PCDHGB4: variants seen among roughly 807,000 people sequenced by gnomAD.
The protein encoded by PCDHGB4 is protocadherin gamma-B4.
Under a neutral mutation model 60.5 loss-of-function variants are expected in PCDHGB4, and 38 were observed. That is an observed-to-expected ratio of 0.63 (90% confidence interval 0.48 to 0.82). PCDHGB4 has a LOEUF of 0.82. PCDHGB4 is among the 40% of genes least tolerant of loss of function. PCDHGB4 has a pLI of 0.00. For synonymous variants in PCDHGB4, 456 were observed against 509.7 expected (o/e 0.89, Z 1.42); for missense variants, 1,109 against 1,209.6 (o/e 0.92, Z 1.23).
In PCDHGB4 at chr5:141,419,975, G is replaced by A. The variant is rs372316838; in HGVS notation, c.2397+29694G>A. ...CTTGATTTCTGTGCTCTTTCTCCTC[G>A]CGGTGATTCTAGCTATTGCTCTACG... On this transcript the variant is annotated intron_variant, in intron 1 of 3. Coordinates refer to ENST00000519479, the MANE Select transcript of PCDHGB4 (RefSeq NM_003736.4). 273 of 1,613,928 alleles carry A rather than the reference G, an allele frequency of 1.7e-4. No homozygotes were observed. The highest frequency in any genetic ancestry group is 2.2e-4 in the Non-Finnish European group (261 of 1,179,916).
At chr5:141,419,529 A>G (rs2096395609) in intron 1 of PCDHGB4, 2 of 1,612,082 alleles carry the variant, frequency 1.2e-6, no homozygotes, top group Non-Finnish European at 1.7e-6. Context: ...GACCGTAACG[A>G]CAACGCACCG....
rs2099419063 is a variant in PCDHGB4 at position 141,477,824 on chromosome 5, C to G, written c.2398-16983C>G. On this transcript the variant is annotated intron_variant, in intron 1 of 3. Coordinates refer to ENST00000519479, the MANE Select transcript of PCDHGB4 (RefSeq NM_003736.4). This position sits in a 1 kb window ranked among gnomAD's most constrained non-coding sequence, Gnocchi z 4.9. ...TGACAATGCCCCCCAGGTCCTATAT[C>G]CTCGGCCAGGTGGGAGCTCGGTGGA... is the stretch of plus-strand genomic sequence containing the variant. 5.6e-6 allele frequency: 9 copies of G among 1,614,196 alleles called. No individual in the cohort carries two copies. The highest frequency in any genetic ancestry group is 5.9e-6 in the Non-Finnish European group (7 of 1,180,034).
chr5:141,447,428 G>C (rs542079336), intron 1 of PCDHGB4, among the ~76,000 whole-genome samples: 1 of 152,184 alleles, frequency 6.6e-6, no homozygotes, highest in African/African-American at 2.4e-5. Flanking sequence ...GTGAGCCACC[G>C]CACCCGGAGG....
At chr5:141,443,442 C>T (rs571341362) in intron 1 of PCDHGB4, among the ~76,000 whole-genome samples, 9 of 152,202 alleles carry the variant, frequency 5.9e-5, no homozygotes, top group East Asian at 1.9e-4. Context: ...GCTGTGGTTG[C>T]GCTCCTGTAC....
rs118080774 is a variant in PCDHGB4, at chr5:141,422,026, G to A, written c.2397+31745G>A. On this transcript the variant is annotated intron_variant, in intron 1 of 3. Coordinates refer to ENST00000519479, the MANE Select transcript of PCDHGB4 (RefSeq NM_003736.4). ...CGGAACTCGGGTGCTGATGGTTAAT[G>A]CAACGGATCCAGACGAGGGAATCAA... 69 of 1,611,394 alleles carry A rather than the reference G, an allele frequency of 4.3e-5. No individual in the cohort carries two copies. The East Asian group carries it at 1.4e-3, about 32-fold the overall frequency.
rs371232283 is a variant in PCDHGB4, at chr5:141,390,337, C to T, written c.2397+56C>T. ...CATTGCCTACCCATTTCTCCATATT[C>T]ACAAGAAAATATACATATTTGCAGG... On this transcript the variant is annotated intron_variant, in intron 1 of 3. Coordinates refer to ENST00000519479, the MANE Select transcript of PCDHGB4 (RefSeq NM_003736.4). 9.4e-6 allele frequency: 15 copies of T among 1,595,800 alleles called. No homozygotes were observed. In the African/African-American group the frequency reaches 1.5e-4, roughly 16 times the overall value.
intron 1 of PCDHGB4, among the ~76,000 whole-genome samples, chr5:141,462,211 C>T (rs543979258): frequency 2.0e-5 from 3 of 151,998 alleles, no homozygotes; most frequent in South Asian, 2.1e-4. Context: ...CCGCCTGCCT[C>T]GGCCTCCCAA....
At chr5:141,427,780 T>C (rs2097069858) in intron 1 of PCDHGB4, 1 of 1,456,004 alleles carries the variant, frequency 6.9e-7, no homozygotes. Flanking sequence ...CTGCGGGCAC[T>C]GTCGTCCTAC....
Position 141,489,730 on chromosome 5 carries a change from A to G in PCDHGB4, c.2398-5077A>G. The stretch of plus-strand genomic sequence containing the variant: ...CAGTGCCCAGGATCCGGATGTGGGC[A>G]CCAATACTGTGAGCTTTTACACTCT... On this transcript the variant is annotated intron_variant, in intron 1 of 3. Coordinates refer to ENST00000519479, the MANE Select transcript of PCDHGB4 (RefSeq NM_003736.4). This position sits in a 1 kb window ranked among gnomAD's most constrained non-coding sequence, Gnocchi z 4.5. 6.2e-7 allele frequency: 1 copy of G among 1,614,182 alleles called. No homozygotes were observed. Among genetic ancestry groups the G allele is most frequent in the Non-Finnish European group, 8.5e-7 (1 of 1,180,020 alleles).
At chr5:141,392,818 C>T (rs1306076998) in intron 1 of PCDHGB4, 1 of 1,589,068 alleles carries the variant, frequency 6.3e-7, no homozygotes, top group East Asian at 2.2e-5. Flanking sequence ...ACAACAATGG[C>T]CGCTCCACAG....
Position 141,476,263 on chromosome 5 carries a change from C to G in PCDHGB4, c.2398-18544C>G. 13 of 1,613,940 alleles carry G rather than the reference C, an allele frequency of 8.1e-6. No individual in the cohort carries two copies. Among genetic ancestry groups the G allele is most frequent in the Non-Finnish European group, 1.1e-5 (13 of 1,180,010 alleles). On this transcript the variant is annotated intron_variant, in intron 1 of 3. Transcript: ENST00000519479. This position sits in a 1 kb window ranked among gnomAD's most constrained non-coding sequence, Gnocchi z 7.6. ...GAGAGAAGGGTTTCGCTGTGGGCAA[C>G]GTGGTCGCGAACCTTGGTTTGGATC...
rs1428628914 is a variant in PCDHGB4, at chr5:141,487,223, G to A, written c.2398-7584G>A. 1.2e-6 allele frequency: 2 copies of A among 1,614,076 alleles called. No homozygotes were observed. The highest frequency in any genetic ancestry group is 2.2e-5 in the East Asian group (1 of 44,866). The stretch of plus-strand genomic sequence containing the variant: ...TCTTCGAGAATCTTCAGCTCCAAGG[G>A]AAGGAGAATCTCGTCTAACCCTCTA... On this transcript the variant is annotated intron_variant, in intron 1 of 3. Transcript: ENST00000519479. This position sits in a 1 kb window ranked among gnomAD's most constrained non-coding sequence, Gnocchi z 5.0.
In PCDHGB4 at chr5:141,388,536, G is replaced by A. The variant is rs1262935958; in HGVS notation, c.652G>A (p.Gly218Arg). 1 of 1,613,716 alleles carries A rather than the reference G, an allele frequency of 6.2e-7. No homozygotes were observed. Among genetic ancestry groups the A allele is most frequent in the Non-Finnish European group, 8.5e-7 (1 of 1,179,894 alleles). ...YHLTLTALDF[G>R]APPLSSTAQI... Reference sequence around the variant, plus strand: ...CTTGACTTTGACTGCCTTGGACTTTGGAGCTCCACCCCTAAGCAGCACTGC... The same window carrying A: ...CTTGACTTTGACTGCCTTGGACTTTAGAGCTCCACCCCTAAGCAGCACTGC... Residue 218 changes from glycine (G) to arginine (R), a missense_variant, in exon 1 of 4, where the codon GGA becomes AGA. Physicochemically the swap from Gly to Arg is moderately radical, Grantham distance 125. Transcript: ENST00000519479.
intron 1 of PCDHGB4, chr5:141,399,951 C>A (rs749264259): frequency 6.2e-7 from 1 of 1,612,120 alleles, no homozygotes; most frequent in Non-Finnish European, 8.5e-7. Flanking sequence ...TGCAGGCTAG[C>A]GAGCCCGGGC....
At chr5:141,401,626 C>G (rs1476531463) in intron 1 of PCDHGB4, among the ~76,000 whole-genome samples, 1 of 152,174 alleles carries the variant, frequency 6.6e-6, no homozygotes, top group Non-Finnish European at 1.5e-5. Flanking sequence ...TTTGTCTTAT[C>G]GTTTGGAGCT....
rs758205179 is a variant in PCDHGB4 at position 141,477,813 on chromosome 5, A to G, written c.2398-16994A>G. ...ACTGATCGCAATGACAATGCCCCCC[A>G]GGTCCTATATCCTCGGCCAGGTGGG... On this transcript the variant is annotated intron_variant, in intron 1 of 3. Transcript: ENST00000519479. This position sits in a 1 kb window ranked among gnomAD's most constrained non-coding sequence, Gnocchi z 4.9. The G allele has an allele frequency of 8.1e-6, 13 of 1,614,002 alleles. No homozygotes were observed. The East Asian group carries it at 2.7e-4, about 33-fold the overall frequency.
At chr5:141,408,412 G>A in intron 1 of PCDHGB4, 2 of 1,614,052 alleles carry the variant, frequency 1.2e-6, no homozygotes, top group South Asian at 1.1e-5. Flanking sequence ...GAGTGAGCGC[G>A]GAGAAGCTGC....
chr5:141,480,250 A>T (rs2099515553), intron 1 of PCDHGB4, among the ~76,000 whole-genome samples: 2 of 151,988 alleles, frequency 1.3e-5, no homozygotes, highest in African/African-American at 4.8e-5. Context: ...CAAAAAAAAA[A>T]AAAAATGTGT....
Position 141,476,745 on chromosome 5 carries a change from T to C in PCDHGB4, c.2398-18062T>C, listed in dbSNP as rs1372622323. 6.2e-7 allele frequency: 1 copy of C among 1,613,958 alleles called. No individual in the cohort carries two copies. On this transcript the variant is annotated intron_variant, in intron 1 of 3. Coordinates refer to ENST00000519479, the MANE Select transcript of PCDHGB4 (RefSeq NM_003736.4). This position sits in a 1 kb window ranked among gnomAD's most constrained non-coding sequence, Gnocchi z 7.6. The stretch of plus-strand genomic sequence containing the variant: ...CTGGACCGAGAACGGGAGCCTAGTC[T>C]CCAGTTAGTGCTGACGGCGTTGGAC...
Sources: gnomAD v4.1 joint callset for allele counts (sites outside exome capture counted in the v4.1 genomes callset) on GRCh38, gnomAD v4.1.1 for gene constraint, Gnocchi (gnomAD v3.1) non-coding constraint, MANE v1.5 for transcripts, NCBI Gene and HGNC (gene_info 2026-07-23, HGNC 2026-07-21) for gene names.